The following OR5V1 variants were observed in gnomAD, a reference collection of about 807,000 sequenced individuals.
The protein encoded by OR5V1 is olfactory receptor 5V1.
For missense variants in OR5V1, 365 were observed against 371.5 expected (o/e 0.98, Z 0.14); for synonymous variants, 134 against 143.2 (o/e 0.94, Z 0.46).
rs1343344399 is a variant in OR5V1 at position 29,354,455 on chromosome 6, C to G, written c.*775G>C. 1 of 151,744 alleles carries G rather than the reference C, an allele frequency of 6.6e-6. No individual in the cohort carries two copies. The highest frequency in any genetic ancestry group is 1.5e-5 in the Non-Finnish European group (1 of 67,884). 9.4% of individuals were successfully genotyped at this position (151,744 alleles called of 1,614,324 possible). A position where few individuals can be genotyped will look rare whatever the true frequency, so the allele number is the denominator to read the frequency against. On this transcript the variant is annotated 3_prime_UTR_variant, in exon 2 of 2. Transcript: ENST00000641768. ...TATATAACTAAGACTTTTTATTCCC[C>G]ATCAAAAAACCCTTGTTTTTTCTGT...
At chr6:29,366,471 A>G (rs955954268) in intron 1 of OR5V1, among the ~76,000 whole-genome samples, 1 of 152,150 alleles carries the variant, frequency 6.6e-6, no homozygotes, top group Non-Finnish European at 1.5e-5. Context: ...TATGTACTAG[A>G]GATACGAATT....
At chr6:29,362,433 AG>A (rs1430941660) in intron 1 of OR5V1, among the ~76,000 whole-genome samples, 1 of 152,168 alleles carries the variant, frequency 6.6e-6, no homozygotes, top group Non-Finnish European at 1.5e-5. Flanking sequence ...TGGACCAAGC[AG>A]ACCTAATAGA....
rs1048970585 is a variant in OR5V1 at position 29,355,096 on chromosome 6, G to A, written c.*134C>T. 2.6e-6 allele frequency: 2 copies of A among 754,900 alleles called. No individual in the cohort carries two copies. Among genetic ancestry groups the A allele is most frequent in the Non-Finnish European group, 4.1e-6 (2 of 489,428 alleles). 46.8% of individuals were successfully genotyped at this position (754,900 alleles called of 1,614,324 possible). A position where few individuals can be genotyped will look rare whatever the true frequency, so the allele number is the denominator to read the frequency against. ...AGAACTAACTAAAGCTCAAGAATAA[G>A]TACACTTAGACTGGAGTGTATCAAC... is the stretch of plus-strand genomic sequence containing the variant. On this transcript the variant is annotated 3_prime_UTR_variant, in exon 2 of 2. Coordinates refer to ENST00000641768, the MANE Select transcript of OR5V1 (RefSeq NM_030876.6).
At chr6:29,367,551 T>G (rs1395297690) in intron 1 of OR5V1, among the ~76,000 whole-genome samples, 1 of 152,168 alleles carries the variant, frequency 6.6e-6, no homozygotes, top group African/African-American at 2.4e-5. Flanking sequence ...TTGGAAAAAA[T>G]GTTCAGACCT....
At chr6:29,359,375 G>A (rs1778461889) in intron 1 of OR5V1, among the ~76,000 whole-genome samples, 1 of 152,174 alleles carries the variant, frequency 6.6e-6, no homozygotes, top group Non-Finnish European at 1.5e-5. Context: ...CAGACTTGCA[G>A]TGGTGTTATT....
chr6:29,355,348 G>T lies in OR5V1; in HGVS notation c.848C>A (p.Pro283His), dbSNP rs756878182. 6.2e-7 allele frequency: 1 copy of T among 1,613,930 alleles called. No individual in the cohort carries two copies. The highest frequency in any genetic ancestry group is 1.7e-5 in the Admixed American group (1 of 60,004). ...TGTGTAAATTATAGGGTTTAGCATG[G>T]GGGTAACAACACTGTACAACACTGA... ...LVSVLYSVVTPMLNPIIYTLR... is the reference protein window; with the variant it reads ...LVSVLYSVVTHMLNPIIYTLR... The change falls in exon 2 of 2, where the codon CCC becomes CAC. Residue 283 changes from proline to histidine, a missense_variant. Physicochemically the swap from Pro to His is moderately conservative, Grantham distance 77 (BLOSUM62 -2). Coordinates refer to ENST00000641768, the MANE Select transcript of OR5V1 (RefSeq NM_030876.6).
chr6:29,362,805 A>G (rs1312180684), intron 1 of OR5V1, among the ~76,000 whole-genome samples: 52 of 152,226 alleles, frequency 3.4e-4, no homozygotes. Context: ...AGCAGTGTTA[A>G]GAGAAAAATT....
At chr6:29,357,632 T>C (rs1440806309) in intron 1 of OR5V1, among the ~76,000 whole-genome samples, 2 of 152,190 alleles carry the variant, frequency 1.3e-5, no homozygotes, top group African/African-American at 4.8e-5. Context: ...CTGGTTTTTA[T>C]TTGAATATGT....
At chr6:29,362,319 C>T (rs1778603388) in intron 1 of OR5V1, among the ~76,000 whole-genome samples, 1 of 152,300 alleles carries the variant, frequency 6.6e-6, no homozygotes, top group Admixed American at 6.5e-5. Flanking sequence ...AAGACTTAGA[C>T]TCCCATACAA....
chr6:29,363,135 G>A (rs771884870), intron 1 of OR5V1, among the ~76,000 whole-genome samples: 1 of 152,144 alleles, frequency 6.6e-6, no homozygotes, highest in African/African-American at 2.4e-5. Flanking sequence ...TGATCCCACA[G>A]TAATAGAAAC....
intron 1 of OR5V1, among the ~76,000 whole-genome samples, chr6:29,363,883 C>T (rs1778710388): frequency 2.6e-5 from 4 of 152,126 alleles, no homozygotes. Context: ...TGAAAACCTG[C>T]ACAAGTCAAG....
In OR5V1 at chr6:29,354,350, A is replaced by C. The variant is rs1778153247; in HGVS notation, c.*880T>G. The C allele has an allele frequency of 6.6e-6, 1 of 152,104 alleles. No individual in the cohort carries two copies. Among genetic ancestry groups the C allele is most frequent in the Non-Finnish European group, 1.5e-5 (1 of 67,978 alleles). The allele number at this position is 152,104 out of a possible 1,614,324, so 9.4% of individuals were successfully genotyped here. ...ACTTCATAACTGTACTTTACATGGTAATAACACATAGAAAATAGTAATTAA... is the reference window on the plus strand; with the variant it reads ...ACTTCATAACTGTACTTTACATGGTCATAACACATAGAAAATAGTAATTAA... On this transcript the variant is annotated 3_prime_UTR_variant, in exon 2 of 2. Coordinates refer to ENST00000641768, the MANE Select transcript of OR5V1 (RefSeq NM_030876.6).
chr6:29,365,978 A>G (rs992590412), intron 1 of OR5V1, among the ~76,000 whole-genome samples: 5 of 152,218 alleles, frequency 3.3e-5, no homozygotes, highest in Non-Finnish European at 7.3e-5. Flanking sequence ...GCAGCCATAA[A>G]AAAGAATGAG....
rs937743344 is a variant in OR5V1 at position 29,353,843 on chromosome 6, G to C, written c.*1387C>G. On this transcript the variant is annotated 3_prime_UTR_variant, in exon 2 of 2. Transcript: ENST00000641768. ...AGGTAGTACTTAGATTTTATAGACA[G>C]TGGTTACAAATATATTTAGTTAAAT... 6.6e-6 allele frequency: 1 copy of C among 152,054 alleles called. No homozygotes were observed. Among genetic ancestry groups the C allele is most frequent in the Non-Finnish European group, 1.5e-5 (1 of 67,942 alleles). The allele number at this position is 152,054 out of a possible 1,614,324, so 9.4% of individuals were successfully genotyped here. A position where few individuals can be genotyped will look rare whatever the true frequency, so the allele number is the denominator to read the frequency against.
rs921722531 is a variant in OR5V1, at chr6:29,355,429, A to G, written c.767T>C (p.Ile256Thr). The G allele has an allele frequency of 6.2e-7, 1 of 1,613,918 alleles. No individual in the cohort carries two copies. Among genetic ancestry groups the G allele is most frequent in the African/African-American group, 1.3e-5 (1 of 74,928 alleles). Residue 256 changes from isoleucine (I) to threonine (T), a missense_variant, in exon 2 of 2, where the codon ATC becomes ACC. Ile to Thr is a moderately conservative substitution (Grantham distance 89, BLOSUM62 -1). Coordinates refer to ENST00000641768, the MANE Select transcript of OR5V1 (RefSeq NM_030876.6). ...TGAGATGGGCCGTACATATGTAAAGATGGCGCTGCCATAAAAGAGAAAGAC... is the reference window on the plus strand; with the variant it reads ...TGAGATGGGCCGTACATATGTAAAGGTGGCGCTGCCATAAAAGAGAAAGAC... The part of the protein sequence containing the change: ...AIVFLFYGSA[I>T]FTYVRPISTY...
Position 29,355,097 on chromosome 6 carries a change from T to C in OR5V1, c.*133A>G. 8 of 764,522 alleles carry C rather than the reference T, an allele frequency of 1.0e-5. No individual in the cohort carries two copies. In the South Asian group the frequency reaches 1.6e-4, roughly 15 times the overall value. 47.4% of individuals were successfully genotyped at this position (764,522 alleles called of 1,614,324 possible). On this transcript the variant is annotated 3_prime_UTR_variant, in exon 2 of 2. Transcript: ENST00000641768. ...GAACTAACTAAAGCTCAAGAATAAG[T>C]ACACTTAGACTGGAGTGTATCAACT...
Position 29,356,118 on chromosome 6 carries a change from TA to T in OR5V1, c.77del (p.Leu26TyrfsTer8), listed in dbSNP as rs1461271090. ...GFSNLNELQF[L>X]LFTIFFLTYF... is the part of the protein sequence containing the mutation. ...AAGTCAGAAAGAAGATGGTGAATAG[TA>T]AAAACTGCAATTCATTTAGGTTGGA... is the stretch of plus-strand genomic sequence containing the variant. On this transcript the variant is annotated frameshift_variant, in exon 2 of 2. Transcript: ENST00000641768. LOFTEE classifies it low-confidence loss of function (END_TRUNC). 10 of 1,612,892 alleles carry T rather than the reference TA, an allele frequency of 6.2e-6. No homozygotes were observed. The highest frequency in any genetic ancestry group is 7.6e-6 in the Non-Finnish European group (9 of 1,179,556).
At chr6:29,361,272 T>C (rs1275212408) in intron 1 of OR5V1, among the ~76,000 whole-genome samples, 1 of 152,104 alleles carries the variant, frequency 6.6e-6, no homozygotes, top group African/African-American at 2.4e-5. Flanking sequence ...CCAAGAAATA[T>C]GGGACTATGT....
chr6:29,359,190 A>G (rs1778452358), intron 1 of OR5V1, among the ~76,000 whole-genome samples: 1 of 152,228 alleles, frequency 6.6e-6, no homozygotes, highest in African/African-American at 2.4e-5. Context: ...ACCAACATAT[A>G]TTAAATGCTT....
Sources: allele counts gnomAD v4.1 joint callset (sites outside exome capture counted in the v4.1 genomes callset), GRCh38; gene constraint gnomAD v4.1.1; transcripts MANE v1.5; gene names NCBI Gene and HGNC (gene_info 2026-07-23, HGNC 2026-07-21).